The following EYA4 variants were observed in gnomAD, a reference collection of about 807,000 sequenced individuals.
EYA4 encodes EYA transcriptional coactivator and phosphatase 4, also known as protein phosphatase EYA4.
EYA4 carries 31 observed loss-of-function variants against 87.9 expected under a neutral mutation model. The ratio of observed to expected loss-of-function variants is 0.35; its 90% CI spans 0.27 to 0.48. EYA4 has a LOEUF of 0.48. Among genes scored for constraint, EYA4 ranks in the 20% least tolerant of loss-of-function variants. EYA4 has a pLI of 0.99. For synonymous variants in EYA4, 263 were observed against 270.6 expected, an observed-to-expected ratio of 0.97 and a Z score of 0.28; for missense variants, 678 against 761.4, an observed-to-expected ratio of 0.89 and a Z score of 1.29.
rs992180770 is a variant in EYA4 at position 133,373,201 on chromosome 6, G to A, written c.34-9191G>A. ...ATGCCTGTGGCCAAATTCTTTTGAAGTTTAATGACCAAGATGAGCTGCATT... is the reference window on the plus strand; with the variant it reads ...ATGCCTGTGGCCAAATTCTTTTGAAATTTAATGACCAAGATGAGCTGCATT... On this transcript the variant is annotated intron_variant, in intron 2 of 19. Transcript: ENST00000355286. 3.9e-5 allele frequency among the ~76,000 whole-genome samples: 6 copies of A among 152,092 alleles called. 1 individual carries two copies. The highest frequency in any genetic ancestry group is 6.8e-3 in the Middle Eastern group (2 of 292).
At chr6:133,298,817 A>G (rs1222984301) in intron 2 of EYA4, among the ~76,000 whole-genome samples, 1 of 152,208 alleles carries the variant, frequency 6.6e-6, no homozygotes, top group Non-Finnish European at 1.5e-5. Flanking sequence ...TCTTTAACCT[A>G]CAGAAATAAT....
At chr6:133,339,434 G>A (rs910775725) in intron 2 of EYA4, among the ~76,000 whole-genome samples, 2 of 152,218 alleles carry the variant, frequency 1.3e-5, no homozygotes, top group Non-Finnish European at 2.9e-5. Flanking sequence ...GATAGAGGTA[G>A]TACAGAGCCA....
chr6:133,379,098 A>C (rs1019199331), intron 2 of EYA4, among the ~76,000 whole-genome samples: 1 of 151,896 alleles, frequency 6.6e-6, no homozygotes, highest in African/African-American at 2.4e-5. Context: ...CTTGTTTTCC[A>C]CTTCATTCAA....
In EYA4 at chr6:133,347,456, C is replaced by T. The variant is rs76287990; in HGVS notation, c.34-34936C>T. ...ATTATACACTTAAAATGGAGATTTA[C>T]AGTGGTAATGTACATTTAAAATGGT... On this transcript the variant is annotated intron_variant, in intron 2 of 19. Coordinates refer to ENST00000355286, the MANE Select transcript of EYA4 (RefSeq NM_004100.5). Among the ~76,000 whole-genome samples, 529 of 152,028 alleles carry T rather than the reference C, an allele frequency of 3.5e-3. 2 individuals carry two copies. Among genetic ancestry groups the T allele is most frequent in the African/African-American group, 0.012 (496 of 41,464 alleles).
intron 2 of EYA4, among the ~76,000 whole-genome samples, chr6:133,327,128 ATTTAT>A (rs1426369104): frequency 1.3e-5 from 2 of 152,016 alleles, no homozygotes; most frequent in Non-Finnish European, 2.9e-5. Flanking sequence ...TTACACTAAA[ATTTAT>A]TTTATTTTAT....
chr6:133,505,931 A>G, intron 13 of EYA4, 175 bp from the exon 14 acceptor site: 1 of 586,282 alleles, frequency 1.7e-6, no homozygotes, highest in South Asian at 2.0e-5. Flanking sequence ...TGCATTTGGT[A>G]TGTCTGAACC....
At chr6:133,303,405 G>C (rs1779562210) in intron 2 of EYA4, among the ~76,000 whole-genome samples, 1 of 152,104 alleles carries the variant, frequency 6.6e-6, no homozygotes, top group Non-Finnish European at 1.5e-5. Context: ...AGGTTGTTCT[G>C]TCTATCAGAA....
At chr6:133,249,661 C>T (rs950950490) in intron 1 of EYA4, among the ~76,000 whole-genome samples, 30 of 152,262 alleles carry the variant, frequency 2.0e-4, no homozygotes, top group African/African-American at 6.7e-4. Flanking sequence ...TTTCTTTGTG[C>T]GTGGAATGCT....
chr6:133,251,718 C>T (rs1037221130), intron 1 of EYA4, among the ~76,000 whole-genome samples: 1 of 152,098 alleles, frequency 6.6e-6, no homozygotes, highest in Non-Finnish European at 1.5e-5. Flanking sequence ...ACCCTCCCTC[C>T]CCTGGTAATG....
chr6:133,333,990 T>G (rs566921167), intron 2 of EYA4, among the ~76,000 whole-genome samples: 1 of 152,326 alleles, frequency 6.6e-6, no homozygotes, highest in East Asian at 1.9e-4. Flanking sequence ...AAAATTCCAC[T>G]GATTGGTAAA....
chr6:133,428,632 C>T (rs558796896), intron 3 of EYA4, among the ~76,000 whole-genome samples: 10 of 152,268 alleles, frequency 6.6e-5, no homozygotes, highest in Admixed American at 3.9e-4. Flanking sequence ...CTGCCATCCA[C>T]GGCTGTGAAT....
intron 9 of EYA4, among the ~76,000 whole-genome samples, chr6:133,464,295 T>C (rs1481996721): frequency 6.6e-6 from 1 of 152,138 alleles, no homozygotes; most frequent in Non-Finnish European, 1.5e-5. Context: ...CTATTTTTGT[T>C]CTAAAGAAAA....
At chr6:133,463,216 C>A (rs536489082) in intron 9 of EYA4, among the ~76,000 whole-genome samples, 1 of 151,966 alleles carries the variant, frequency 6.6e-6, no homozygotes, top group Non-Finnish European at 1.5e-5. Flanking sequence ...TTGTTCATTC[C>A]TAAAATTCCT....
intron 1 of EYA4, chr6:133,247,505 G>A (rs1774505916): frequency 6.6e-6 from 1 of 152,256 alleles, no homozygotes; most frequent in East Asian, 1.9e-4. Context: ...ACTTCTGGAG[G>A]CAGGTTTAAA....
chr6:133,367,259 C>A (rs1164433943), intron 2 of EYA4, among the ~76,000 whole-genome samples: 1 of 152,122 alleles, frequency 6.6e-6, no homozygotes, highest in African/African-American at 2.4e-5. Context: ...CTTATGTGTA[C>A]TCATGCTGAG....
At chr6:133,244,755 C>T (rs1236235944) in intron 1 of EYA4, among the ~76,000 whole-genome samples, 2 of 151,996 alleles carry the variant, frequency 1.3e-5, no homozygotes, top group African/African-American at 4.8e-5. Flanking sequence ...TGTTTTCAGT[C>T]TCTGTTGCAA....
chr6:133,531,205 T>C lies in EYA4; in HGVS notation c.*2400T>C, dbSNP rs1053048547. On this transcript the variant is annotated 3_prime_UTR_variant, in exon 20 of 20. Coordinates refer to ENST00000355286, the MANE Select transcript of EYA4 (RefSeq NM_004100.5). Reference sequence around the variant, plus strand: ...CACATCTCTTTTTCTGATTCTGTGTTCAGAAGAGGCTGCCGGCATAAAACC... The same window carrying C: ...CACATCTCTTTTTCTGATTCTGTGTCCAGAAGAGGCTGCCGGCATAAAACC... 2.9e-5 allele frequency: 45 copies of C among 1,535,006 alleles called. No homozygotes were observed. The African/African-American group carries it at 5.5e-4, about 19-fold the overall frequency.
chr6:133,387,533 T>C (rs1786858701), intron 3 of EYA4, among the ~76,000 whole-genome samples: 2 of 152,186 alleles, frequency 1.3e-5, no homozygotes, highest in Non-Finnish European at 2.9e-5. Context: ...GACCACAGAA[T>C]TGGGTAACCA....
At chr6:133,316,045 T>C (rs1780595283) in intron 2 of EYA4, among the ~76,000 whole-genome samples, 1 of 152,162 alleles carries the variant, frequency 6.6e-6, no homozygotes, top group Non-Finnish European at 1.5e-5. Context: ...CCGCAGACCC[T>C]GGCTGGGCTC....
Sources: allele counts gnomAD v4.1 joint callset (sites outside exome capture counted in the v4.1 genomes callset), GRCh38; gene constraint gnomAD v4.1.1; transcripts MANE v1.5; gene names NCBI Gene and HGNC (gene_info 2026-07-23, HGNC 2026-07-21).